The following KBTBD4 variants were observed in gnomAD, a reference collection of about 807,000 sequenced individuals.
KBTBD4 encodes the protein kelch repeat and BTB domain-containing protein 4.
A neutral mutation model predicts 43.9 loss-of-function variants in KBTBD4; 30 were observed. The observed-to-expected ratio is 0.68, with a 90% confidence interval of 0.51 to 0.93. KBTBD4 has a LOEUF of 0.93. Ranked by LOEUF, KBTBD4 falls within the 40% of genes least tolerant of loss-of-function variation. The pLI, the probability that KBTBD4 is intolerant of heterozygous loss-of-function variation, is 0.00. For synonymous variants in KBTBD4, 258 were observed against 256.9 expected (o/e 1.00, Z -0.04); for missense variants, 575 against 668.8 (o/e 0.86, Z 1.55).
intron 3 of KBTBD4, among the ~76,000 whole-genome samples, chr11:47,574,447 A>AG (rs2097255441): frequency 6.6e-6 from 1 of 152,096 alleles, no homozygotes; most frequent in Non-Finnish European, 1.5e-5. Context: ...CAGTGAGCTG[A>AG]GATCATGCCA....
chr11:47,573,364 T>G lies in KBTBD4; in HGVS notation c.1171A>C (p.Asn391His). The G allele has an allele frequency of 6.2e-7, 1 of 1,614,214 alleles. No individual in the cohort carries two copies. The highest frequency in any genetic ancestry group is 8.5e-7 in the Non-Finnish European group (1 of 1,180,034). Residue 391 changes from asparagine (N) to histidine (H), a missense_variant, in exon 4 of 4, where the codon AAC (asparagine) becomes CAC (histidine). Transcript: ENST00000430070. The surrounding 1 kb of genome is among the most constrained non-coding windows in gnomAD (Gnocchi z 4.1). ...AGTAAGTAGATGATCCCGTTGAGGT[T>G]GGCACCAGCAGCCCCTGACACAGCC... is the stretch of plus-strand genomic sequence containing the variant. ...EVAVSGAAGA[N>H]LNGIIYLLGG...
chr11:47,578,530 G>A lies in KBTBD4; in HGVS notation c.19+403C>T, dbSNP rs151173032. The A allele has an allele frequency of 1.1e-3, 726 of 670,798 alleles. 4 individuals are homozygous for A. The African/African-American group carries it at 0.012, about 11-fold the overall frequency. The allele number at this position is 670,798 out of a possible 1,614,324, so 41.6% of individuals were successfully genotyped here. A position where few individuals can be genotyped will look rare whatever the true frequency, so the allele number is the denominator to read the frequency against. On this transcript the variant is annotated intron_variant, in intron 1 of 3. Transcript: ENST00000430070. ...ATATGAAGCCTAGCCTGGGATATCC[G>A]TGGGTCTTACATTTGCTCTCTTCTG...
At chr11:47,578,814 T>TCCCC in intron 1 of KBTBD4, 119 bp downstream of exon 1, 1 of 1,350,196 alleles carries the variant, frequency 7.4e-7, no homozygotes. Context: ...GCCCGCCCCC[T>TCCCC]CCCCTCCTCT....
intron 3 of KBTBD4, among the ~76,000 whole-genome samples, chr11:47,574,800 G>T (rs544776648): frequency 1.3e-5 from 2 of 152,202 alleles, no homozygotes; most frequent in East Asian, 3.9e-4. Context: ...GTTGCAGTGA[G>T]CCGAGATCGC....
intron 3 of KBTBD4, among the ~76,000 whole-genome samples, chr11:47,574,902 T>C (rs1274597888): frequency 7.3e-6 from 1 of 137,134 alleles, no homozygotes; most frequent in Non-Finnish European, 1.6e-5. Flanking sequence ...TCTCTCTCTC[T>C]CACACACAGA....
Position 47,577,463 on chromosome 11 carries a change from A to G in KBTBD4, c.585T>C (p.Asn195=). The part of the protein sequence containing the change: ...CAKTHLAQLQ[N]TEEFLHLPHR... ...GGGGCAAGTGGAGAAATTCCTCTGT[A>G]TTCTGCAGCTGGGCCAGGTGGGTCT... The change falls in exon 2 of 4, where the codon AAT becomes AAC. Residue 195 remains asparagine, a synonymous_variant. Coordinates refer to ENST00000430070, the MANE Select transcript of KBTBD4 (RefSeq NM_018095.6). 6.2e-7 allele frequency: 1 copy of G among 1,613,216 alleles called. No individual in the cohort carries two copies. The highest frequency in any genetic ancestry group is 1.7e-5 in the Admixed American group (1 of 59,988).
At chr11:47,578,218 G>T in intron 1 of KBTBD4, 190 bp from the exon 2 acceptor site, 1 of 610,826 alleles carries the variant, frequency 1.6e-6, no homozygotes, top group East Asian at 2.8e-5. Context: ...TATCCCCAGT[G>T]GCGCCCCTCC....
Position 47,573,077 on chromosome 11 carries a change from G to T in KBTBD4, c.1458C>A (p.Ala486=), listed in dbSNP as rs749395535. ...WSSAPSLWKI[A]SCNGSIYVFR... is the part of the protein sequence containing the mutation. ...AGACATAGATGCTCCCGTTACAGCT[G>T]GCAATCTTCCAGAGGGATGGGGCAG... Residue 486 remains alanine (A), a synonymous_variant, in exon 4 of 4, where the codon GCC becomes GCA. Coordinates refer to ENST00000430070, the MANE Select transcript of KBTBD4 (RefSeq NM_018095.6). The surrounding 1 kb of genome is among the most constrained non-coding windows in gnomAD (Gnocchi z 4.1). The T allele has an allele frequency of 6.2e-7, 1 of 1,614,184 alleles. No homozygotes were observed. Among genetic ancestry groups the T allele is most frequent in the Non-Finnish European group, 8.5e-7 (1 of 1,180,036 alleles).
rs2097250909 is a variant in KBTBD4 at position 47,572,528 on chromosome 11, A to G, written c.*402T>C. 5.6e-6 allele frequency: 1 copy of G among 178,764 alleles called. No homozygotes were observed. Among genetic ancestry groups the G allele is most frequent in the South Asian group, 1.5e-4 (1 of 6,646 alleles). 11.1% of individuals were successfully genotyped at this position (178,764 alleles called of 1,614,324 possible). A position where few individuals can be genotyped will look rare whatever the true frequency, so the allele number is the denominator to read the frequency against. ...ACACCTAATTCTTTGTGGAAAAATG[A>G]TCAACTAGCCATTTCACAGGCTATA... On this transcript the variant is annotated 3_prime_UTR_variant, in exon 4 of 4. Transcript: ENST00000430070.
chr11:47,574,443 G>A (rs1255574730), intron 3 of KBTBD4, among the ~76,000 whole-genome samples: 1 of 152,150 alleles, frequency 6.6e-6, no homozygotes, highest in African/African-American at 2.4e-5. Flanking sequence ...GTTGCAGTGA[G>A]CTGAGATCAT....
chr11:47,573,914 T>C lies in KBTBD4; in HGVS notation c.745-124A>G, dbSNP rs2097254600. ...TAGCTTTATCATACTACTCTCTAAT[T>C]ACTGTATGGCATCCAACTCTCCTCT... On this transcript the variant is annotated intron_variant, in intron 3 of 3. Coordinates refer to ENST00000430070, the MANE Select transcript of KBTBD4 (RefSeq NM_018095.6). This position sits in a 1 kb window ranked among gnomAD's most constrained non-coding sequence, Gnocchi z 4.1. 2.3e-6 allele frequency: 2 copies of C among 865,362 alleles called. No homozygotes were observed. Among genetic ancestry groups the C allele is most frequent in the East Asian group, 5.1e-5 (2 of 39,322 alleles). 53.6% of individuals were successfully genotyped at this position (865,362 alleles called of 1,614,324 possible).
rs1381017881 is a variant in KBTBD4 at position 47,575,022 on chromosome 11, C to T, written c.744+571G>A. ...CTGAGATCAGGAGTTCCAGACCAGC[C>T]TGGCCAACATGGTGAAACCCCATCT... On this transcript the variant is annotated intron_variant, in intron 3 of 3. Coordinates refer to ENST00000430070, the MANE Select transcript of KBTBD4 (RefSeq NM_018095.6). Among the ~76,000 whole-genome samples the T allele has an allele frequency of 2.6e-5, 4 of 151,220 alleles. No homozygotes were observed. In the East Asian group the frequency reaches 5.9e-4, roughly 22 times the overall value.
chr11:47,573,715 G>C lies in KBTBD4; in HGVS notation c.820C>G (p.His274Asp), dbSNP rs745558885. The change falls in exon 4 of 4, where the codon CAC becomes GAC. Residue 274 changes from histidine to aspartate, a missense_variant. By Grantham distance (81) the His-to-Asp change is moderately conservative. Transcript: ENST00000430070. This position sits in a 1 kb window ranked among gnomAD's most constrained non-coding sequence, Gnocchi z 4.1. ...CTGATGGAGTCATCTTCTGCACAGT[G>C]CAAGGACACAGCCAACGAGTGGGTA... ...SRTHSLAVSLHCAEDDSISVS... is the reference protein window; with the variant it reads ...SRTHSLAVSLDCAEDDSISVS... The C allele has an allele frequency of 6.2e-7, 1 of 1,603,802 alleles. No individual in the cohort carries two copies. Among genetic ancestry groups the C allele is most frequent in the African/African-American group, 1.3e-5 (1 of 74,846 alleles).
At chr11:47,574,533 C>T (rs374707069) in intron 3 of KBTBD4, among the ~76,000 whole-genome samples, 12 of 151,936 alleles carry the variant, frequency 7.9e-5, no homozygotes, top group South Asian at 2.1e-4. Flanking sequence ...AAAACAGAGA[C>T]GACCATTCAT....
chr11:47,572,600 G>A lies in KBTBD4; in HGVS notation c.*330C>T. On this transcript the variant is annotated 3_prime_UTR_variant, in exon 4 of 4. Transcript: ENST00000430070. The stretch of plus-strand genomic sequence containing the variant: ...TCTTTCCTTATGTCCTGGGATCAGG[G>A]GTGCTTACATTTAACATTGATCAGG... 3.3e-6 allele frequency: 1 copy of A among 302,170 alleles called. No homozygotes were observed. Among genetic ancestry groups the A allele is most frequent in the Non-Finnish European group, 6.1e-6 (1 of 162,640 alleles). 18.7% of individuals were successfully genotyped at this position (302,170 alleles called of 1,614,324 possible). A position where few individuals can be genotyped will look rare whatever the true frequency, so the allele number is the denominator to read the frequency against.
intron 3 of KBTBD4, among the ~76,000 whole-genome samples, chr11:47,575,231 G>A (rs59837204): frequency 0.21 from 30,769 of 148,912 alleles, 3,646 homozygotes; most frequent in East Asian, 0.31. Context: ...AAAAAAGGCC[G>A]GGCGCGGGGG....
intron 3 of KBTBD4, 56 bp downstream of exon 3, chr11:47,575,537 G>T (rs1297441229): frequency 2.1e-5 from 23 of 1,084,572 alleles, no homozygotes; most frequent in Non-Finnish European, 2.6e-5. Flanking sequence ...CAAATTAACT[G>T]ATGGCAAGAA....
rs537334637 is a variant in KBTBD4 at position 47,573,972 on chromosome 11, G to A, written c.745-182C>T. Among the ~76,000 whole-genome samples, 25 of 152,172 alleles carry A rather than the reference G, an allele frequency of 1.6e-4. No individual in the cohort carries two copies. The South Asian group carries it at 3.9e-3, about 24-fold the overall frequency. The stretch of plus-strand genomic sequence containing the variant: ...TTCTTTGAGGCAATTTATGCCGGGC[G>A]GAGAATCTGTTGTATTCATCCTTGT... On this transcript the variant is annotated intron_variant, in intron 3 of 3. Transcript: ENST00000430070. This position sits in a 1 kb window ranked among gnomAD's most constrained non-coding sequence, Gnocchi z 4.1.
chr11:47,574,646 G>A (rs535847278), intron 3 of KBTBD4, among the ~76,000 whole-genome samples: 1 of 151,630 alleles, frequency 6.6e-6, no homozygotes, highest in African/African-American at 2.4e-5. Context: ...CCTGAGGTCA[G>A]GAGTTCGAGA....
Sources: allele counts gnomAD v4.1 joint callset (sites outside exome capture counted in the v4.1 genomes callset), GRCh38; gene constraint gnomAD v4.1.1; non-coding constraint Gnocchi (gnomAD v3.1); transcripts MANE v1.5; gene names NCBI Gene and HGNC (gene_info 2026-07-23, HGNC 2026-07-21).